Variants in CDC42EP3 observed in about 807,000 individuals in gnomAD.
CDC42EP3 encodes the protein CDC42 effector protein 3.
A neutral mutation model predicts 15.5 loss-of-function variants in CDC42EP3; 4 were observed. That is an observed-to-expected ratio of 0.26 (90% CI 0.13 to 0.59). The LOEUF (loss-of-function observed/expected upper bound fraction) is 0.59. Ranked by LOEUF, CDC42EP3 falls within the 20% of genes least tolerant of loss-of-function variation. The pLI is 0.89. For missense variants in CDC42EP3, 309 were observed against 311.2 expected (o/e 0.99, Z 0.05); for synonymous variants, 145 against 130.3 (o/e 1.11, Z -0.77).
chr2:37,669,906 T>C (rs1666353415), intron 1 of CDC42EP3, among the ~76,000 whole-genome samples: 1 of 152,186 alleles, frequency 6.6e-6, no homozygotes, highest in South Asian at 2.1e-4. Flanking sequence ...TCACAACTAC[T>C]CCAACTTATT....
At position 37,642,728 on chromosome 2, in the gene CDC42EP3, T is replaced by A. The variant is rs976910737; in HGVS notation, c.*3095A>T. 2.6e-5 allele frequency: 4 copies of A among 152,222 alleles called. No homozygotes were observed. The highest frequency in any genetic ancestry group is 4.1e-4 in the South Asian group (2 of 4,830). The allele number at this position is 152,222 out of a possible 1,614,324, so 9.4% of individuals were successfully genotyped here. On this transcript the variant is annotated 3_prime_UTR_variant, in exon 2 of 2. Transcript: ENST00000295324. ...AAGTTAATTTATGGACTTATGGATT[T>A]TTTCCATTCCAGGACTTCATTTGCG...
rs114155876 is a variant in CDC42EP3 at position 37,659,699 on chromosome 2, T to C, written c.-236+11727A>G. On this transcript the variant is annotated intron_variant, in intron 1 of 1. Transcript: ENST00000295324. ...AACAATGAACTTGCTCTTTTCTCTT[T>C]TCAAAAGGAGATGTGTTAAGGGAGA... Among the ~76,000 whole-genome samples the C allele has an allele frequency of 1.4e-3, 212 of 152,302 alleles. 1 individual carries two copies. The highest frequency in any genetic ancestry group is 2.3e-3 in the Non-Finnish European group (155 of 68,026).
chr2:37,648,394 T>G (rs1377399820), intron 1 of CDC42EP3, among the ~76,000 whole-genome samples: 1 of 152,248 alleles, frequency 6.6e-6, no homozygotes, highest in East Asian at 1.9e-4. Flanking sequence ...CCCATATTTC[T>G]TTCCTTTCAG....
chr2:37,651,238 G>A (rs562729150), intron 1 of CDC42EP3, among the ~76,000 whole-genome samples: 1 of 152,310 alleles, frequency 6.6e-6, no homozygotes, highest in South Asian at 2.1e-4. Context: ...ACAGAGAGGG[G>A]AAGTAGATGG....
At chr2:37,662,311 G>A (rs1006309725) in intron 1 of CDC42EP3, among the ~76,000 whole-genome samples, 24 of 152,232 alleles carry the variant, frequency 1.6e-4, no homozygotes, top group African/African-American at 5.1e-4. Context: ...AAAGTGCTTG[G>A]CAAAGCACCT....
upstream of CDC42EP3, chr2:37,671,838 G>A (rs1483848171): frequency 6.6e-6 from 1 of 151,036 alleles, no homozygotes; most frequent in Non-Finnish European, 1.5e-5. Flanking sequence ...GGTCACCGTT[G>A]GACCCTCGGA....
At chr2:37,649,832 G>C (rs1291069802) in intron 1 of CDC42EP3, among the ~76,000 whole-genome samples, 1 of 152,152 alleles carries the variant, frequency 6.6e-6, no homozygotes, top group Non-Finnish European at 1.5e-5. Context: ...CAAAGAAAAA[G>C]GCAAGAAAAG....
At chr2:37,662,754 G>A (rs1666105534) in intron 1 of CDC42EP3, among the ~76,000 whole-genome samples, 1 of 152,172 alleles carries the variant, frequency 6.6e-6, no homozygotes, top group Admixed American at 6.5e-5. Flanking sequence ...TCTTTAGGAA[G>A]ACATTTCATT....
chr2:37,663,002 T>A (rs1309404600), intron 1 of CDC42EP3, among the ~76,000 whole-genome samples: 2 of 152,174 alleles, frequency 1.3e-5, no homozygotes, highest in South Asian at 2.1e-4. Context: ...CAGTCTCTAC[T>A]AAAGATACAA....
chr2:37,644,362 G>C lies in CDC42EP3; in HGVS notation c.*1461C>G, dbSNP rs915735940. 6.6e-6 allele frequency: 1 copy of C among 152,122 alleles called. No homozygotes were observed. Among genetic ancestry groups the C allele is most frequent in the African/African-American group, 2.4e-5 (1 of 41,426 alleles). The allele number at this position is 152,122 out of a possible 1,614,324, so 9.4% of individuals were successfully genotyped here. On this transcript the variant is annotated 3_prime_UTR_variant, in exon 2 of 2. Coordinates refer to ENST00000295324, the MANE Select transcript of CDC42EP3 (RefSeq NM_006449.5). ...ATGGGGAAGGAGTAGTTGGCAAAGGGACAGGAATCTGTGTGTACATTTCCT... is the reference window on the plus strand; with the variant it reads ...ATGGGGAAGGAGTAGTTGGCAAAGGCACAGGAATCTGTGTGTACATTTCCT...
At chr2:37,669,897 C>A (rs1666353214) in intron 1 of CDC42EP3, among the ~76,000 whole-genome samples, 3 of 152,190 alleles carry the variant, frequency 2.0e-5, no homozygotes, top group South Asian at 4.1e-4. Flanking sequence ...CTAAATATTT[C>A]ACAACTACTC....
At chr2:37,666,496 C>G (rs1320432058) in intron 1 of CDC42EP3, among the ~76,000 whole-genome samples, 2 of 152,108 alleles carry the variant, frequency 1.3e-5, no homozygotes, top group Non-Finnish European at 2.9e-5. Context: ...TAACTTTATC[C>G]AATATGGAAA....
chr2:37,667,438 G>C (rs1044966231), intron 1 of CDC42EP3, among the ~76,000 whole-genome samples: 1 of 152,098 alleles, frequency 6.6e-6, no homozygotes, highest in African/African-American at 2.4e-5. Context: ...ATTTTGAAGC[G>C]AGCACACAGT....
At chr2:37,669,204 A>G (rs1237948089) in intron 1 of CDC42EP3, among the ~76,000 whole-genome samples, 1 of 150,870 alleles carries the variant, frequency 6.6e-6, no homozygotes, top group Admixed American at 6.6e-5. Flanking sequence ...TTAATGGTCA[A>G]AGAATTTGTG....
chr2:37,661,837 G>T (rs1443855219), intron 1 of CDC42EP3, among the ~76,000 whole-genome samples: 1 of 152,134 alleles, frequency 6.6e-6, no homozygotes, highest in East Asian at 1.9e-4. Flanking sequence ...TTTAACCAAA[G>T]AAATTATGTT....
chr2:37,671,773 G>T, upstream of CDC42EP3: 1 of 150,210 alleles, frequency 6.7e-6, no homozygotes, highest in South Asian at 1.8e-4. Flanking sequence ...TCCCAGCCGC[G>T]GTACCTGTGC....
At chr2:37,652,913 C>G (rs1019944234) in intron 1 of CDC42EP3, among the ~76,000 whole-genome samples, 1 of 152,056 alleles carries the variant, frequency 6.6e-6, no homozygotes, top group Admixed American at 6.6e-5. Flanking sequence ...ACTATCTTAC[C>G]TAAATCTTAA....
At chr2:37,670,660 T>G (rs1028223873) in intron 1 of CDC42EP3, among the ~76,000 whole-genome samples, 2 of 152,146 alleles carry the variant, frequency 1.3e-5, no homozygotes, top group African/African-American at 4.8e-5. Flanking sequence ...GCATATTTAT[T>G]TTTAAACTGA....
chr2:37,651,571 T>G (rs1665678706), intron 1 of CDC42EP3, among the ~76,000 whole-genome samples: 1 of 152,228 alleles, frequency 6.6e-6, no homozygotes, highest in South Asian at 2.1e-4. Context: ...CAGATCACTT[T>G]TTGCTTCTGT....
Sources: gnomAD v4.1 joint callset for allele counts (sites outside exome capture counted in the v4.1 genomes callset) on GRCh38, gnomAD v4.1.1 for gene constraint, MANE v1.5 for transcripts, NCBI Gene and HGNC (gene_info 2026-07-23, HGNC 2026-07-21) for gene names.